The following LARGE1 variants were observed in gnomAD, a reference collection of about 807,000 sequenced individuals.
LARGE1 encodes LARGE xylosyl- and glucuronyltransferase 1, also known as xylosyl- and glucuronyltransferase LARGE1.
A neutral mutation model predicts 87.6 loss-of-function variants in LARGE1; 43 were observed. That is an observed-to-expected ratio of 0.49 (90% CI 0.38 to 0.63). The LOEUF (loss-of-function observed/expected upper bound fraction) is 0.63. Among genes scored for constraint, LARGE1 ranks in the 30% least tolerant of loss-of-function variants. The pLI, the probability that LARGE1 is intolerant of heterozygous loss-of-function variation, is 0.00. For missense variants in LARGE1, 802 were observed against 1,000.2 expected, an observed-to-expected ratio of 0.80 and a Z score of 2.67; for synonymous variants, 434 against 394.6, an observed-to-expected ratio of 1.10 and a Z score of -1.18.
At chr22:33,611,851 G>C (rs2079438380) in intron 4 of LARGE1, among the ~76,000 whole-genome samples, 1 of 152,146 alleles carries the variant, frequency 6.6e-6, no homozygotes, top group Non-Finnish European at 1.5e-5. Context: ...TAATGGCTTG[G>C]TGCTGTCCTC....
At chr22:33,738,899 T>C (rs1460925253) in intron 2 of LARGE1, among the ~76,000 whole-genome samples, 2 of 148,942 alleles carry the variant, frequency 1.3e-5, no homozygotes, top group African/African-American at 2.5e-5. Context: ...GACTGGAAAC[T>C]GTATGTCCCC....
the LARGE1 span, among the ~76,000 whole-genome samples, chr22:33,145,693 TC>T: frequency 2.0e-5 from 3 of 152,226 alleles, no homozygotes; most frequent in African/African-American, 7.2e-5. Flanking sequence ...ATGGGCCTTT[TC>T]CTCAAGTACC....
intron 1 of LARGE1, among the ~76,000 whole-genome samples, chr22:33,803,205 C>T (rs2086215463): frequency 6.6e-6 from 1 of 152,152 alleles, no homozygotes; most frequent in African/African-American, 2.4e-5. Flanking sequence ...ACTCATTTCC[C>T]TCAATGTTCT....
In LARGE1 at chr22:33,883,874, C is replaced by T. The variant is rs548350075; in HGVS notation, c.-83+36121G>A. Among the ~76,000 whole-genome samples, 4 of 152,340 alleles carry T rather than the reference C, an allele frequency of 2.6e-5. 1 individual carries two copies. In the South Asian group the frequency reaches 8.3e-4, roughly 32 times the overall value. ...ACTCCACCCTCCCTCTCTCTCCCTT[C>T]TGTATTTTCTTCTCTCCGAGTATTT... On this transcript the variant is annotated intron_variant, in intron 1 of 14. Transcript: ENST00000397394.
chr22:33,657,978 C>T (rs1227518253), intron 2 of LARGE1, among the ~76,000 whole-genome samples: 3 of 152,054 alleles, frequency 2.0e-5, no homozygotes, highest in South Asian at 2.1e-4. Context: ...TTAACTAGTT[C>T]CATGTCATCC....
At chr22:33,384,401 T>A in intron 7 of LARGE1, 97 bp from the exon 8 acceptor site, 1 of 897,422 alleles carries the variant, frequency 1.1e-6, no homozygotes, top group Non-Finnish European at 1.8e-6. Context: ...CTCTCGGGGA[T>A]GATTGTCTTA....
At chr22:33,818,450 G>C (rs1601691427) in intron 1 of LARGE1, among the ~76,000 whole-genome samples, 3 of 152,118 alleles carry the variant, frequency 2.0e-5, no homozygotes, top group African/African-American at 7.2e-5. Flanking sequence ...GAATAAGAGG[G>C]AGAAAAGAGG....
chr22:33,643,432 C>T (rs542422688), intron 3 of LARGE1, among the ~76,000 whole-genome samples: 1 of 152,140 alleles, frequency 6.6e-6, no homozygotes, highest in Non-Finnish European at 1.5e-5. Context: ...TAAATGCCCA[C>T]AACAGAAAGC....
intron 11 of LARGE1, among the ~76,000 whole-genome samples, chr22:33,207,505 G>T (rs1169191873): frequency 1.3e-5 from 2 of 152,024 alleles, no homozygotes; most frequent in African/African-American, 2.4e-5. Flanking sequence ...TTATTGCTAT[G>T]GTACTCCTCC....
intron 7 of LARGE1, among the ~76,000 whole-genome samples, chr22:33,399,770 G>C (rs1396755002): frequency 6.6e-6 from 1 of 152,038 alleles, no homozygotes; most frequent in Non-Finnish European, 1.5e-5. Flanking sequence ...GGATGGTCTC[G>C]ATCTCCTGAC....
chr22:33,169,578 G>A (rs189620551), intron 11 of LARGE1, among the ~76,000 whole-genome samples: 13 of 152,164 alleles, frequency 8.5e-5, no homozygotes, highest in South Asian at 4.1e-4. Context: ...GGGGCTGGGC[G>A]CAGTGGCTCA....
intron 6 of LARGE1, among the ~76,000 whole-genome samples, chr22:33,514,655 C>A (rs1433912776): frequency 1.3e-5 from 2 of 152,112 alleles, no homozygotes; most frequent in African/African-American, 4.8e-5. Context: ...ATTTTGGTAT[C>A]CACGGGGTTC....
chr22:33,569,161 T>C (rs527306649), intron 5 of LARGE1, among the ~76,000 whole-genome samples: 16 of 152,342 alleles, frequency 1.1e-4, no homozygotes, highest in Admixed American at 4.6e-4. Context: ...CTGCCTGAAC[T>C]GAGGCTTGGC....
chr22:33,610,230 G>A (rs1267884092), intron 4 of LARGE1, among the ~76,000 whole-genome samples: 2 of 152,224 alleles, frequency 1.3e-5, no homozygotes, highest in African/African-American at 4.8e-5. Flanking sequence ...CAGGGGCTAA[G>A]AGTTTGGAGG....
chr22:33,504,411 C>T (rs924994357), intron 6 of LARGE1, among the ~76,000 whole-genome samples: 15 of 152,134 alleles, frequency 9.9e-5, no homozygotes, highest in African/African-American at 2.9e-4. Flanking sequence ...AGGTGCCCAC[C>T]GCCATCCCCG....
chr22:33,150,188 C>T, the LARGE1 span, among the ~76,000 whole-genome samples: 1 of 152,172 alleles, frequency 6.6e-6, no homozygotes, highest in Non-Finnish European at 1.5e-5. Context: ...AGACACCAGG[C>T]CTCTTGTTCA....
At chr22:33,902,492 A>G (rs2065311528) in intron 1 of LARGE1, among the ~76,000 whole-genome samples, 1 of 152,282 alleles carries the variant, frequency 6.6e-6, no homozygotes, top group Non-Finnish European at 1.5e-5. Flanking sequence ...AAAGGTCCAG[A>G]TTCTCACTAT....
At chr22:33,920,855 C>G (rs943964620), upstream of LARGE1, among the ~76,000 whole-genome samples, 11 of 145,172 alleles carry the variant, frequency 7.6e-5, no homozygotes, top group Admixed American at 7.5e-4. Flanking sequence ...CGCCGCTGGC[C>G]GGAGCCGGCG....
At chr22:33,328,642 A>T (rs928597512) in intron 10 of LARGE1, among the ~76,000 whole-genome samples, 6 of 151,664 alleles carry the variant, frequency 4.0e-5, no homozygotes, top group African/African-American at 1.5e-4. Context: ...AAAGGAGATA[A>T]CAGGAACTAC....
Sources: allele counts gnomAD v4.1 joint callset (sites outside exome capture counted in the v4.1 genomes callset), GRCh38; gene constraint gnomAD v4.1.1; transcripts MANE v1.5; gene names NCBI Gene and HGNC (gene_info 2026-07-23, HGNC 2026-07-21).